Variants in GPC5 observed in about 807,000 individuals in gnomAD.
GPC5 encodes the protein glypican 5.
A neutral mutation model predicts 53.9 loss-of-function variants in GPC5; 47 were observed. The ratio of observed to expected loss-of-function variants is 0.87; its 90% confidence interval spans 0.69 to 1.11. The LOEUF is 1.11. GPC5 is among the 50% of genes most tolerant of loss of function. The pLI is 0.00. For synonymous variants in GPC5, 286 were observed against 263.3 expected, an observed-to-expected ratio of 1.09 and a Z score of -0.84; for missense variants, 748 against 713.1, an observed-to-expected ratio of 1.05 and a Z score of -0.56.
At chr13:92,314,272 C>A (rs996485092) in intron 7 of GPC5, among the ~76,000 whole-genome samples, 3 of 152,096 alleles carry the variant, frequency 2.0e-5, no homozygotes, top group East Asian at 1.9e-4. Context: ...GTTTCTTACA[C>A]CTTCTAGACT....
chr13:91,800,054 A>C (rs2989989), intron 5 of GPC5, among the ~76,000 whole-genome samples: 111,910 of 151,864 alleles, frequency 0.74, 41,546 homozygotes, highest in East Asian at 0.89. Context: ...CTTCCACAAT[A>C]TTCTAAACTT....
chr13:92,238,586 G>A (rs1467902381), intron 7 of GPC5, among the ~76,000 whole-genome samples: 2 of 151,954 alleles, frequency 1.3e-5, no homozygotes, highest in Admixed American at 6.6e-5. Flanking sequence ...GAGTCCTTAT[G>A]TATTCTAGAC....
chr13:92,736,190 G>T (rs1250573917), intron 7 of GPC5, among the ~76,000 whole-genome samples: 1 of 151,914 alleles, frequency 6.6e-6, no homozygotes, highest in African/African-American at 2.4e-5. Context: ...CCACTCTAAA[G>T]AAGCCACCAT....
intron 7 of GPC5, among the ~76,000 whole-genome samples, chr13:92,485,630 T>C (rs1021630236): frequency 6.6e-6 from 1 of 152,202 alleles, no homozygotes; most frequent in African/African-American, 2.4e-5. Context: ...AGATGGTCAT[T>C]CCACTTTGGA....
At chr13:92,543,760 T>A (rs1882008555) in intron 7 of GPC5, among the ~76,000 whole-genome samples, 5 of 152,216 alleles carry the variant, frequency 3.3e-5, no homozygotes, top group Admixed American at 3.3e-4. Context: ...TAAAATTTTT[T>A]ATCTAAATAT....
intron 7 of GPC5, among the ~76,000 whole-genome samples, chr13:92,745,787 A>C (rs2139317944): frequency 6.6e-6 from 1 of 152,212 alleles, no homozygotes; most frequent in Admixed American, 6.6e-5. Flanking sequence ...AAACTAATAA[A>C]TTTTCAAAAT....
chr13:92,613,646 A>G (rs1400742168), intron 7 of GPC5, among the ~76,000 whole-genome samples: 1 of 134,782 alleles, frequency 7.4e-6, no homozygotes, highest in Non-Finnish European at 1.5e-5. Flanking sequence ...TAAATATTAA[A>G]TATATAATAT....
intron 7 of GPC5, among the ~76,000 whole-genome samples, chr13:92,341,862 CTT>C (rs2043369618): frequency 6.6e-6 from 1 of 152,052 alleles, no homozygotes; most frequent in Admixed American, 6.6e-5. Context: ...AGGGGGAAAT[CTT>C]TACCAATAAA....
At chr13:91,469,811 G>A (rs183805528) in intron 2 of GPC5, among the ~76,000 whole-genome samples, 38 of 152,168 alleles carry the variant, frequency 2.5e-4, no homozygotes, top group Non-Finnish European at 7.4e-5. Flanking sequence ...AGGCCGAGGT[G>A]GGTGGATCAC....
chr13:92,364,992 T>A (rs1470484265), intron 7 of GPC5, among the ~76,000 whole-genome samples: 2 of 151,740 alleles, frequency 1.3e-5, no homozygotes, highest in African/African-American at 2.4e-5. Flanking sequence ...TCCTCTGTCA[T>A]AGGGAGTATA....
intron 7 of GPC5, among the ~76,000 whole-genome samples, chr13:92,402,460 T>C (rs1264151618): frequency 1.3e-5 from 2 of 152,204 alleles, no homozygotes; most frequent in African/African-American, 2.4e-5. Context: ...TATAACATAA[T>C]GGTAATACAC....
intron 7 of GPC5, among the ~76,000 whole-genome samples, chr13:92,279,120 T>G (rs1594061483): frequency 6.6e-6 from 1 of 152,096 alleles, no homozygotes; most frequent in East Asian, 1.9e-4. Flanking sequence ...GAAAGTTTTG[T>G]TCTATTAACA....
chr13:92,724,828 CATTT>C (rs1330014225), intron 7 of GPC5, among the ~76,000 whole-genome samples: 1 of 149,784 alleles, frequency 6.7e-6, no homozygotes, highest in Non-Finnish European at 1.5e-5. Flanking sequence ...CTCTACTGCT[CATTT>C]AAAGATTTCT....
rs1384024708 is a variant in GPC5, at chr13:91,571,812, T to C, written c.326-121375T>C. On this transcript the variant is annotated intron_variant, in intron 2 of 7. Transcript: ENST00000377067. Reference sequence around the variant, plus strand: ...ACGTGTGTGTATATATACACACACATACGTGTGTGTATATATACACATATA... The same window carrying C: ...ACGTGTGTGTATATATACACACACACACGTGTGTGTATATATACACATATA... Among the ~76,000 whole-genome samples, 10 of 122,262 alleles carry C rather than the reference T, an allele frequency of 8.2e-5. 1 individual carries two copies. The highest frequency in any genetic ancestry group is 2.5e-4 in the East Asian group (1 of 4,048). The allele number at this position is 122,262 out of a possible 152,430, so 80.2% of individuals were successfully genotyped here.
At chr13:91,429,755 T>C (rs1284696609) in intron 1 of GPC5, among the ~76,000 whole-genome samples, 1 of 152,220 alleles carries the variant, frequency 6.6e-6, no homozygotes, top group African/African-American at 2.4e-5. Context: ...TGGTAACTTT[T>C]AGAAATAAAG....
At chr13:92,511,677 C>T (rs1880572009) in intron 7 of GPC5, among the ~76,000 whole-genome samples, 1 of 152,184 alleles carries the variant, frequency 6.6e-6, no homozygotes, top group African/African-American at 2.4e-5. Flanking sequence ...TTCCCTTTAA[C>T]CTTAAGAGAT....
At chr13:92,229,369 T>C (rs2042513199) in intron 7 of GPC5, among the ~76,000 whole-genome samples, 1 of 152,152 alleles carries the variant, frequency 6.6e-6, no homozygotes, top group South Asian at 2.1e-4. Context: ...TACTGATATA[T>C]TTTTAACTGG....
intron 7 of GPC5, among the ~76,000 whole-genome samples, chr13:92,584,179 G>A (rs1883462010): frequency 6.6e-6 from 1 of 152,154 alleles, no homozygotes; most frequent in African/African-American, 2.4e-5. Flanking sequence ...GCAGGGGTTG[G>A]AACAGTTTGG....
At chr13:92,484,519 T>A (rs189798986) in intron 7 of GPC5, 15 of 152,300 alleles carry the variant, frequency 9.8e-5, no homozygotes, top group Admixed American at 9.2e-4. Flanking sequence ...TACATCAGCA[T>A]CACCGTAAAC....
Sources: allele counts gnomAD v4.1 joint callset (sites outside exome capture counted in the v4.1 genomes callset), GRCh38; gene constraint gnomAD v4.1.1; transcripts MANE v1.5; gene names NCBI Gene and HGNC (gene_info 2026-07-23, HGNC 2026-07-21).